The following PDCD7 variants were observed in gnomAD, a reference collection of about 807,000 sequenced individuals.
The protein encoded by PDCD7 is programmed cell death protein 7.
A neutral mutation model predicts 42.1 loss-of-function variants in PDCD7; 40 were observed. That is an observed-to-expected ratio of 0.95 (90% confidence interval 0.74 to 1.24). The LOEUF (loss-of-function observed/expected upper bound fraction) is 1.24. Among genes scored for constraint, PDCD7 ranks in the 50% most tolerant of loss-of-function variants. The probability of loss-of-function intolerance (pLI) is 0.00; values close to 1 mark genes in which losing one functional copy is unlikely to be tolerated. For missense variants in PDCD7, 644 were observed against 662.8 expected (o/e 0.97, Z 0.31); for synonymous variants, 299 against 303.3 (o/e 0.99, Z 0.15).
At chr15:65,122,076 T>G (rs911488262) in intron 2 of PDCD7, among the ~76,000 whole-genome samples, 1 of 152,198 alleles carries the variant, frequency 6.6e-6, no homozygotes, top group African/African-American at 2.4e-5. Flanking sequence ...GGCTCACACC[T>G]GTAAACCTAG....
intron 2 of PDCD7, among the ~76,000 whole-genome samples, chr15:65,121,057 T>C (rs984721207): frequency 1.9e-4 from 29 of 149,558 alleles, no homozygotes; most frequent in South Asian, 4.3e-4. Context: ...TTCTTTCTTT[T>C]TTTTTTTTTT....
At chr15:65,120,299 G>A (rs1295388433) in intron 2 of PDCD7, among the ~76,000 whole-genome samples, 3 of 151,954 alleles carry the variant, frequency 2.0e-5, no homozygotes, top group East Asian at 1.9e-4. Context: ...CCACAGGCAC[G>A]TGCCACCACA....
At chr15:65,129,757 A>T (rs1349452468) in intron 1 of PDCD7, among the ~76,000 whole-genome samples, 1 of 151,972 alleles carries the variant, frequency 6.6e-6, no homozygotes, top group Non-Finnish European at 1.5e-5. Context: ...TCTGTCACCA[A>T]TATCCTCACC....
chr15:65,126,756 A>T (rs945542584), intron 2 of PDCD7, among the ~76,000 whole-genome samples: 8 of 136,730 alleles, frequency 5.9e-5, no homozygotes, highest in Admixed American at 1.5e-4. Context: ...CCTGTCTTTT[A>T]AAAAAAAAAA....
chr15:65,130,652 T>C (rs1172514188), intron 1 of PDCD7, among the ~76,000 whole-genome samples: 3 of 152,180 alleles, frequency 2.0e-5, no homozygotes, highest in Non-Finnish European at 2.9e-5. Flanking sequence ...GAACTGCACC[T>C]ATTACCTTCA....
chr15:65,122,159 A>G (rs2087460497), intron 2 of PDCD7, among the ~76,000 whole-genome samples: 1 of 152,052 alleles, frequency 6.6e-6, no homozygotes. Context: ...ACATGGTGAA[A>G]CCCCATATCC....
Position 65,133,484 on chromosome 15 carries a change from C to A in PDCD7, c.298G>T (p.Gly100Trp). Residue 100 changes from glycine to tryptophan, a missense_variant, in exon 1 of 5, where the codon GGG becomes TGG. Gly to Trp is a radical substitution (Grantham distance 184). Transcript: ENST00000204549. Reference protein sequence around the residue: ...PPPPQCRPFPGTDAGERPRPP... With the variant: ...PPPPQCRPFPWTDAGERPRPP... ...CGCGGCCGCTCGCCGGCGTCGGTCC[C>A]CGGGAAGGGCCGACACTGGGGCGGC... 8.2e-7 allele frequency: 1 copy of A among 1,222,230 alleles called. No individual in the cohort carries two copies. Among genetic ancestry groups the A allele is most frequent in the Non-Finnish European group, 1.0e-6 (1 of 982,060 alleles). The allele number at this position is 1,222,230 out of a possible 1,614,324, so 75.7% of individuals were successfully genotyped here.
chr15:65,132,532 G>A (rs1177256691), intron 1 of PDCD7, among the ~76,000 whole-genome samples: 1 of 152,146 alleles, frequency 6.6e-6, no homozygotes, highest in African/African-American at 2.4e-5. Context: ...TTACAGGCGT[G>A]GGCCACCGCG....
rs143504274 is a variant in PDCD7 at position 65,122,585 on chromosome 15, A to G, written c.1010-2631T>C. Among the ~76,000 whole-genome samples the G allele has an allele frequency of 5.7e-3, 870 of 152,318 alleles. 5 individuals carry two copies. Among genetic ancestry groups the G allele is most frequent in the Middle Eastern group, 0.014 (4 of 294 alleles). ...CTGTATCCTATTTCATCAAATCAAT[A>G]CACTAGAATATACTTATCAAGTTCC... On this transcript the variant is annotated intron_variant, in intron 2 of 4. Transcript: ENST00000204549.
At chr15:65,131,960 C>T (rs2087542700) in intron 1 of PDCD7, among the ~76,000 whole-genome samples, 1 of 151,792 alleles carries the variant, frequency 6.6e-6, no homozygotes, top group Non-Finnish European at 1.5e-5. Context: ...ATAATACTTC[C>T]TACTTCTCAA....
At chr15:65,127,463 C>CA (rs1464820018) in intron 2 of PDCD7, among the ~76,000 whole-genome samples, 9,737 of 56,752 alleles carry the variant, frequency 0.17, 499 homozygotes, top group Non-Finnish European at 0.21. Context: ...GACTCCGTCT[C>CA]AAAAAAAAAA....
intron 2 of PDCD7, among the ~76,000 whole-genome samples, chr15:65,127,237 C>CA: frequency 6.6e-6 from 1 of 152,204 alleles, no homozygotes; most frequent in East Asian, 1.9e-4. Flanking sequence ...GCAGGTGGAT[C>CA]ATGAGGTCAG....
At position 65,119,877 on chromosome 15, in the gene PDCD7, A is replaced by C. The variant is rs981343933; in HGVS notation, c.1087T>G (p.Ser363Ala). Residue 363 changes from serine to alanine, a missense_variant, in exon 3 of 5, where the codon TCT becomes GCT. Transcript: ENST00000204549. ...QRLRKLIKKR[S>A]ELYEAEERAL... ...CTCTCTTCAGCTTCATACAGTTCAG[A>C]GCGCTTTTTAATGAGTTTTCTCAGT... 1.2e-6 allele frequency: 2 copies of C among 1,613,914 alleles called. No homozygotes were observed. The highest frequency in any genetic ancestry group is 2.7e-5 in the African/African-American group (2 of 74,838).
rs375239527 is a variant in PDCD7 at position 65,118,682 on chromosome 15, A to G, written c.*35T>C. 2.6e-6 allele frequency: 4 copies of G among 1,549,136 alleles called. No individual in the cohort carries two copies. Among genetic ancestry groups the G allele is most frequent in the African/African-American group, 1.4e-5 (1 of 72,078 alleles). Reference sequence around the variant, plus strand: ...ATCGCTAATATTTACAGCTGGAAAGAGCGCTGGCTGGACCACACTCCTGGA... The same window carrying G: ...ATCGCTAATATTTACAGCTGGAAAGGGCGCTGGCTGGACCACACTCCTGGA... On this transcript the variant is annotated 3_prime_UTR_variant, in exon 5 of 5. Transcript: ENST00000204549.
At position 65,128,388 on chromosome 15, in the gene PDCD7, G is replaced by A. The variant is rs554924846; in HGVS notation, c.1009+644C>T. Reference sequence around the variant, plus strand: ...TGAGGGCCCTCCAGATGAACAGAATGACAACAGCTAAGATCCAGACAGGCA... The same window carrying A: ...TGAGGGCCCTCCAGATGAACAGAATAACAACAGCTAAGATCCAGACAGGCA... On this transcript the variant is annotated intron_variant, in intron 2 of 4. Transcript: ENST00000204549. 2.0e-5 allele frequency among the ~76,000 whole-genome samples: 3 copies of A among 152,328 alleles called. No homozygotes were observed. In the South Asian group the frequency reaches 6.2e-4, roughly 32 times the overall value.
At chr15:65,132,864 G>T in intron 1 of PDCD7, 48 bp downstream of exon 1, 1 of 1,592,836 alleles carries the variant, frequency 6.3e-7, no homozygotes, top group South Asian at 1.1e-5. Context: ...GCTGCTCCAG[G>T]TTCCAACCAC....
chr15:65,129,167 G>A lies in PDCD7; in HGVS notation c.874C>T (p.Gln292Ter), dbSNP rs1409753393. ...CCATCAGCGGCTGCTTTGAGTTCCT[G>A]CTCCTGGAAGAGAAACAAAGCCCAT... is the stretch of plus-strand genomic sequence containing the variant. The part of the protein sequence containing the change: ...VQEVEEKKRE[Q>*]ELKAAADGVL... The change falls in exon 2 of 5, where the codon CAG becomes TAG. Residue 292 changes from glutamine (Q) to a stop codon, truncating the protein, a stop_gained. Coordinates refer to ENST00000204549, the MANE Select transcript of PDCD7 (RefSeq NM_005707.2). LOFTEE classifies it high-confidence loss of function. 6 of 1,613,494 alleles carry A rather than the reference G, an allele frequency of 3.7e-6. No individual in the cohort carries two copies. The African/African-American group carries it at 8.0e-5, about 22-fold the overall frequency.
intron 2 of PDCD7, among the ~76,000 whole-genome samples, chr15:65,125,542 A>G (rs549797788): frequency 6.6e-6 from 1 of 152,364 alleles, no homozygotes; most frequent in East Asian, 1.9e-4. Flanking sequence ...CCCCTAGCAT[A>G]GGTCACTAAT....
chr15:65,118,884 T>G, intron 4 of PDCD7, 44 bp from the exon 5 acceptor site: 1 of 1,425,230 alleles, frequency 7.0e-7, no homozygotes, highest in Non-Finnish European at 9.4e-7. Context: ...TCTGTTTTAT[T>G]CCAAATAAGA....
Sources: allele counts gnomAD v4.1 joint callset (sites outside exome capture counted in the v4.1 genomes callset), GRCh38; gene constraint gnomAD v4.1.1; transcripts MANE v1.5; gene names NCBI Gene and HGNC (gene_info 2026-07-23, HGNC 2026-07-21).